DYNC1I1: variants seen among roughly 807,000 people sequenced by gnomAD.
DYNC1I1 encodes cytoplasmic dynein 1 intermediate chain 1.
A neutral mutation model predicts 86.6 loss-of-function variants in DYNC1I1; 43 were observed. The observed-to-expected ratio is 0.50, with a 90% confidence interval of 0.39 to 0.64. The LOEUF (loss-of-function observed/expected upper bound fraction) is 0.64, where lower values mean the gene tolerates loss of function less well. Among genes scored for constraint, DYNC1I1 ranks in the 30% least tolerant of loss-of-function variants. DYNC1I1 has a pLI of 0.00. For synonymous variants in DYNC1I1, 262 were observed against 283.7 expected, an observed-to-expected ratio of 0.92 and a Z score of 0.77; for missense variants, 604 against 788.8, an observed-to-expected ratio of 0.77 and a Z score of 2.81.
At chr7:95,804,492 C>A in intron 1 of DYNC1I1, 1 of 860,720 alleles carries the variant, frequency 1.2e-6, no homozygotes, top group Non-Finnish European at 1.6e-6. Context: ...CCTTGTATTT[C>A]TTCAGATATT....
At chr7:96,067,682 TACAA>T (rs1406884033) in intron 14 of DYNC1I1, among the ~76,000 whole-genome samples, 1 of 152,140 alleles carries the variant, frequency 6.6e-6, no homozygotes, top group Non-Finnish European at 1.5e-5. Context: ...TTCATAAAGG[TACAA>T]ACACTTTTGA....
intron 10 of DYNC1I1, among the ~76,000 whole-genome samples, chr7:96,006,277 C>T (rs576921328): frequency 4.6e-5 from 7 of 152,168 alleles, no homozygotes; most frequent in South Asian, 2.1e-4. Flanking sequence ...TGCGAGCATT[C>T]GAGAGAATCC....
At chr7:95,913,546 A>G (rs1264257069) in intron 6 of DYNC1I1, among the ~76,000 whole-genome samples, 1 of 151,984 alleles carries the variant, frequency 6.6e-6, no homozygotes, top group Non-Finnish European at 1.5e-5. Context: ...CCCTGTATGC[A>G]CTCTCTTGCC....
intron 6 of DYNC1I1, among the ~76,000 whole-genome samples, chr7:95,971,491 A>AAAAC (rs1223892990): frequency 3.3e-5 from 5 of 152,188 alleles, no homozygotes; most frequent in Non-Finnish European, 7.4e-5. Context: ...CATATCCAAA[A>AAAAC]AAACAAACAA....
chr7:96,065,581 T>C (rs1253125899), intron 14 of DYNC1I1, among the ~76,000 whole-genome samples: 7 of 152,126 alleles, frequency 4.6e-5, no homozygotes, highest in African/African-American at 1.7e-4. Flanking sequence ...ACAGACAGGG[T>C]TTCGCCATGT....
At chr7:95,825,433 G>A (rs1389682654) in intron 4 of DYNC1I1, among the ~76,000 whole-genome samples, 3 of 152,186 alleles carry the variant, frequency 2.0e-5, no homozygotes, top group Non-Finnish European at 4.4e-5. Context: ...AAGAGCCAGA[G>A]TCTGCTCTTT....
intron 6 of DYNC1I1, among the ~76,000 whole-genome samples, chr7:95,921,667 A>G (rs1791614086): frequency 6.6e-6 from 1 of 152,180 alleles, no homozygotes; most frequent in Non-Finnish European, 1.5e-5. Context: ...CCGGGAGTCA[A>G]ATGTGCACCA....
chr7:95,977,854 A>AT (rs1256038265), intron 7 of DYNC1I1, among the ~76,000 whole-genome samples: 5 of 152,222 alleles, frequency 3.3e-5, no homozygotes. Context: ...TTTAGTCACA[A>AT]TTCCAGAACA....
chr7:96,017,649 G>A (rs1191086212), intron 10 of DYNC1I1, among the ~76,000 whole-genome samples: 1 of 152,070 alleles, frequency 6.6e-6, no homozygotes, highest in African/African-American at 2.4e-5. Flanking sequence ...TGTTCCTCAG[G>A]TCCTGTGTTT....
At chr7:95,995,402 C>T (rs889904810) in intron 9 of DYNC1I1, among the ~76,000 whole-genome samples, 2 of 152,118 alleles carry the variant, frequency 1.3e-5, no homozygotes, top group African/African-American at 4.8e-5. Flanking sequence ...CTATGTGTTA[C>T]AATTGATGGG....
At chr7:96,103,163 T>C (rs1446059120), downstream of DYNC1I1, among the ~76,000 whole-genome samples, 1 of 152,012 alleles carries the variant, frequency 6.6e-6, no homozygotes, top group Non-Finnish European at 1.5e-5. Flanking sequence ...TGTGAGCCGC[T>C]GAAAGAAGAG....
chr7:95,784,981 C>A (rs892436080), intron 1 of DYNC1I1, among the ~76,000 whole-genome samples: 7 of 152,316 alleles, frequency 4.6e-5, no homozygotes, highest in Admixed American at 4.6e-4. Context: ...AATGTAACAA[C>A]TTTTGCCTAT....
chr7:95,892,689 C>T (rs926220959), intron 6 of DYNC1I1, among the ~76,000 whole-genome samples: 2 of 152,152 alleles, frequency 1.3e-5, no homozygotes, highest in Non-Finnish European at 2.9e-5. Flanking sequence ...TCAGGTGATC[C>T]GCCCACCTTG....
At chr7:96,048,173 G>A (rs1173408892) in intron 14 of DYNC1I1, among the ~76,000 whole-genome samples, 1 of 152,158 alleles carries the variant, frequency 6.6e-6, no homozygotes, top group Non-Finnish European at 1.5e-5. Context: ...GCATAGATTT[G>A]AGGACCAGCT....
intron 6 of DYNC1I1, among the ~76,000 whole-genome samples, chr7:95,915,331 G>A (rs1584155689): frequency 6.6e-6 from 1 of 152,186 alleles, no homozygotes; most frequent in Non-Finnish European, 1.5e-5. Flanking sequence ...TGACTAACAC[G>A]AACAAAGTCA....
At chr7:96,039,713 C>A (rs960062052) in intron 14 of DYNC1I1, among the ~76,000 whole-genome samples, 1 of 152,058 alleles carries the variant, frequency 6.6e-6, no homozygotes. Context: ...ATCCACAACA[C>A]CCCCTTCACT....
At chr7:95,794,808 G>A (rs532853395) in intron 1 of DYNC1I1, among the ~76,000 whole-genome samples, 22 of 152,276 alleles carry the variant, frequency 1.4e-4, no homozygotes, top group Middle Eastern at 6.8e-3. Context: ...AATTCAGCAA[G>A]AGTGATACTA....
In DYNC1I1 at chr7:95,810,452, C is replaced by T. The variant is rs1271483201; in HGVS notation, c.169C>T (p.Arg57Ter). The T allele has an allele frequency of 1.2e-6, 2 of 1,613,042 alleles. No individual in the cohort carries two copies. Among genetic ancestry groups the T allele is most frequent in the South Asian group, 1.1e-5 (1 of 91,004 alleles). The change falls in exon 3 of 17, where the codon CGA becomes TGA. Residue 57 changes from arginine to a stop codon, truncating the protein, a stop_gained. Transcript: ENST00000447467. LOFTEE classifies it high-confidence loss of function. ...CGACTCTGATCTGGATCGCAAACGA[C>T]GAGAGACAGAGGCTTTGCTGCAAAG... The part of the protein sequence containing the change: ...QDDSDLDRKR[R>*]ETEALLQSIG...
intron 2 of DYNC1I1, among the ~76,000 whole-genome samples, chr7:95,808,366 G>T (rs1178671481): frequency 6.6e-6 from 1 of 152,106 alleles, no homozygotes; most frequent in Non-Finnish European, 1.5e-5. Context: ...GACCACCCAA[G>T]TTGATTATCT....
Sources: gnomAD v4.1 joint callset for allele counts (sites outside exome capture counted in the v4.1 genomes callset) on GRCh38, gnomAD v4.1.1 for gene constraint, MANE v1.5 for transcripts, NCBI Gene and HGNC (gene_info 2026-07-23, HGNC 2026-07-21) for gene names.